RNF220: variants seen among roughly 807,000 people sequenced by gnomAD.
RNF220 encodes the protein E3 ubiquitin-protein ligase RNF220.
In RNF220, 7 loss-of-function variants were observed where a neutral mutation model predicts 67.1. The observed-to-expected ratio is 0.10, with a 90% CI of 0.06 to 0.20. The LOEUF (loss-of-function observed/expected upper bound fraction) is 0.20. Ranked by LOEUF, RNF220 falls within the 10% of genes least tolerant of loss-of-function variation. The pLI is 1.00. For synonymous variants in RNF220, 270 were observed against 283.2 expected, an observed-to-expected ratio of 0.95 and a Z score of 0.47; for missense variants, 565 against 740.3, an observed-to-expected ratio of 0.76 and a Z score of 2.75.
chr1:44,614,020 G>C (rs561698880), intron 2 of RNF220, 145 bp from the exon 3 acceptor site: 2 of 969,266 alleles, frequency 2.1e-6, no homozygotes, highest in Non-Finnish European at 3.0e-6. Context: ...AGGGGTGCTC[G>C]TGGGCTCTGA....
intron 12 of RNF220, among the ~76,000 whole-genome samples, chr1:44,646,246 A>G (rs1644642897): frequency 6.6e-6 from 1 of 152,246 alleles, no homozygotes; most frequent in African/African-American, 2.4e-5. Context: ...GCCTCCTGCC[A>G]GGAGAGTGGA....
At position 44,650,458 on chromosome 1, in the gene RNF220, C is replaced by T. The variant is rs555399870; in HGVS notation, c.1630-246C>T. On this transcript the variant is annotated intron_variant, in intron 14 of 14. Coordinates refer to ENST00000361799, the MANE Select transcript of RNF220 (RefSeq NM_018150.4). This position sits in a 1 kb window ranked among gnomAD's most constrained non-coding sequence, Gnocchi z 4.3. ...AGGGCTGCGGCTGCCACAGCTGGACCCAGCCTTGTTCTCATTACTGGGGCT... is the reference window on the plus strand; with the variant it reads ...AGGGCTGCGGCTGCCACAGCTGGACTCAGCCTTGTTCTCATTACTGGGGCT... The T allele has an allele frequency of 6.0e-5, 34 of 569,512 alleles. No homozygotes were observed. The South Asian group carries it at 6.9e-4, about 12-fold the overall frequency. The allele number at this position is 569,512 out of a possible 1,614,324, so 35.3% of individuals were successfully genotyped here. A position where few individuals can be genotyped will look rare whatever the true frequency, so the allele number is the denominator to read the frequency against.
chr1:44,589,371 T>C (rs1169873125), intron 2 of RNF220, among the ~76,000 whole-genome samples: 2 of 152,096 alleles, frequency 1.3e-5, no homozygotes, highest in Non-Finnish European at 2.9e-5. Context: ...TCCCAGCACT[T>C]TGGGAGGCCG....
Position 44,565,160 on chromosome 1 carries a change from T to C in RNF220, c.626-49005T>C, listed in dbSNP as rs142617350. 6.6e-6 allele frequency among the ~76,000 whole-genome samples: 1 copy of C among 152,316 alleles called. No homozygotes were observed. Among genetic ancestry groups the C allele is most frequent in the East Asian group, 1.9e-4 (1 of 5,176 alleles). On this transcript the variant is annotated intron_variant, in intron 2 of 14. Transcript: ENST00000361799. The surrounding 1 kb of genome is among the most constrained non-coding windows in gnomAD (Gnocchi z 4.2). ...GTGAGTGAACAAACTGATCAACCAG[T>C]AACCAACAAACTGACAGATAGATGT...
intron 2 of RNF220, among the ~76,000 whole-genome samples, chr1:44,524,829 A>G (rs1660238829): frequency 6.6e-6 from 1 of 152,226 alleles, no homozygotes; most frequent in Non-Finnish European, 1.5e-5. Context: ...TTAGCGCTGT[A>G]ATGTATAGCT....
At chr1:44,442,024 G>T (rs1217099032) in intron 2 of RNF220, among the ~76,000 whole-genome samples, 2 of 152,230 alleles carry the variant, frequency 1.3e-5, no homozygotes, top group African/African-American at 4.8e-5. Context: ...TTATACTAAT[G>T]AAACCCAAAA....
At chr1:44,556,974 C>T (rs1663145083) in intron 2 of RNF220, among the ~76,000 whole-genome samples, 1 of 151,762 alleles carries the variant, frequency 6.6e-6, no homozygotes. Context: ...AGTGAGAACC[C>T]CAGGGTGCCC....
At chr1:44,571,024 A>G (rs1664405078) in intron 2 of RNF220, among the ~76,000 whole-genome samples, 1 of 152,014 alleles carries the variant, frequency 6.6e-6, no homozygotes, top group South Asian at 2.1e-4. Flanking sequence ...CAGTGCACCA[A>G]GATCACACCA....
intron 2 of RNF220, among the ~76,000 whole-genome samples, chr1:44,570,417 C>G (rs959857541): frequency 1.3e-5 from 2 of 152,132 alleles, no homozygotes; most frequent in South Asian, 2.1e-4. Flanking sequence ...GCTGTTTGTC[C>G]GTTCCATTTG....
rs79111684 is a variant in RNF220, at chr1:44,584,934, A to G, written c.626-29231A>G. On this transcript the variant is annotated intron_variant, in intron 2 of 14. Coordinates refer to ENST00000361799, the MANE Select transcript of RNF220 (RefSeq NM_018150.4). ...GGCTGGTCTCGAACTCCTGACCTCA[A>G]GTGATCTGCCCACTTCCGCCTCCCA... 9.3e-3 allele frequency among the ~76,000 whole-genome samples: 1,412 copies of G among 152,194 alleles called. 48 individuals are homozygous for G. The highest frequency in any genetic ancestry group is 0.075 in the East Asian group (388 of 5,158).
At chr1:44,610,253 CT>C (rs1193554179) in intron 2 of RNF220, among the ~76,000 whole-genome samples, 2 of 152,216 alleles carry the variant, frequency 1.3e-5, no homozygotes, top group Non-Finnish European at 2.9e-5. Context: ...AATCTCTCAG[CT>C]AAAAATTGTT....
At chr1:44,415,341 T>C (rs1002163752) in intron 2 of RNF220, among the ~76,000 whole-genome samples, 3 of 151,696 alleles carry the variant, frequency 2.0e-5, no homozygotes, top group Non-Finnish European at 4.4e-5. Context: ...AGTGACAGTA[T>C]ACAAGACTGC....
chr1:44,432,715 G>A (rs1314731615), intron 2 of RNF220, among the ~76,000 whole-genome samples: 1 of 152,060 alleles, frequency 6.6e-6, no homozygotes, highest in African/African-American at 2.4e-5. Context: ...TAGCTGGAAC[G>A]ACAGGTGTGC....
intron 2 of RNF220, chr1:44,424,066 G>A (rs1367966053): frequency 1.0e-6 from 1 of 970,288 alleles, no homozygotes; most frequent in Non-Finnish European, 1.2e-6. Flanking sequence ...AGAGCGTTGT[G>A]CTCGGTGCTG....
chr1:44,560,776 G>A (rs1663508944), intron 2 of RNF220, among the ~76,000 whole-genome samples: 2 of 151,958 alleles, frequency 1.3e-5, no homozygotes, highest in South Asian at 4.2e-4. Context: ...TGGCCAGGCT[G>A]GTCTTGAAAG....
intron 2 of RNF220, among the ~76,000 whole-genome samples, chr1:44,540,786 G>A (rs919936942): frequency 1.3e-5 from 2 of 150,962 alleles, no homozygotes; most frequent in African/African-American, 2.4e-5. Context: ...AACCAGCCAC[G>A]CCAGTGTCTC....
At chr1:44,571,225 G>A (rs898883157) in intron 2 of RNF220, among the ~76,000 whole-genome samples, 1 of 151,978 alleles carries the variant, frequency 6.6e-6, no homozygotes, top group Non-Finnish European at 1.5e-5. Context: ...TCTCTACCAC[G>A]GCCACATTAT....
At chr1:44,554,875 T>G (rs941078719) in intron 2 of RNF220, among the ~76,000 whole-genome samples, 1 of 152,126 alleles carries the variant, frequency 6.6e-6, no homozygotes, top group Non-Finnish European at 1.5e-5. Flanking sequence ...CCTGTCTTTG[T>G]CCCTCCTCTT....
rs973451299 is a variant in RNF220, at chr1:44,636,278, C to T, written c.1126+116C>T. On this transcript the variant is annotated intron_variant, in intron 8 of 14. Transcript: ENST00000361799. ...GGCTGGTCATCCATCCGTTCCACCA[C>T]GTGGGGACTGCTGCTGGTGGGGCTC... The T allele has an allele frequency of 1.1e-5, 15 of 1,352,992 alleles. No individual in the cohort carries two copies. The East Asian group carries it at 1.9e-4, about 17-fold the overall frequency. The allele number at this position is 1,352,992 out of a possible 1,614,324, so 83.8% of individuals were successfully genotyped here. A position where few individuals can be genotyped will look rare whatever the true frequency, so the allele number is the denominator to read the frequency against.
Sources: allele counts gnomAD v4.1 joint callset (sites outside exome capture counted in the v4.1 genomes callset), GRCh38; gene constraint gnomAD v4.1.1; non-coding constraint Gnocchi (gnomAD v3.1); transcripts MANE v1.5; gene names NCBI Gene and HGNC (gene_info 2026-07-23, HGNC 2026-07-21).